RALY: variants seen among roughly 807,000 people sequenced by gnomAD.
The protein encoded by RALY is RNA-binding protein Raly.
In RALY, 15 loss-of-function variants were observed where a neutral mutation model predicts 30.7. That is an observed-to-expected ratio of 0.49 (90% CI 0.33 to 0.75). The LOEUF is 0.75. Among genes scored for constraint, RALY ranks in the 30% least tolerant of loss-of-function variants. The probability of loss-of-function intolerance (pLI) is 0.02; values close to 1 mark genes in which losing one functional copy is unlikely to be tolerated. For synonymous variants in RALY, 177 were observed against 170.8 expected (o/e 1.04, Z -0.28); for missense variants, 339 against 414.3 (o/e 0.82, Z 1.58).
At chr20:34,001,859 C>T (rs758740304) in intron 1 of RALY, among the ~76,000 whole-genome samples, 22 of 152,104 alleles carry the variant, frequency 1.4e-4, no homozygotes, top group African/African-American at 4.8e-5. Context: ...CTCTGCCTCC[C>T]GGGTTCATGC....
chr20:34,027,241 T>C (rs1258526853), intron 1 of RALY, among the ~76,000 whole-genome samples: 1 of 152,228 alleles, frequency 6.6e-6, no homozygotes, highest in Non-Finnish European at 1.5e-5. Flanking sequence ...TGGAGTAAAG[T>C]AAAGCAGACC....
chr20:34,046,433 T>C (rs1189633085), intron 2 of RALY, among the ~76,000 whole-genome samples: 1 of 152,208 alleles, frequency 6.6e-6, no homozygotes, highest in Non-Finnish European at 1.5e-5. Context: ...AAGGATTATT[T>C]AAGGTATTGT....
intron 8 of RALY, 131 bp from the exon 9 acceptor site, chr20:34,078,374 G>A (rs1219419311): frequency 1.5e-5 from 11 of 739,324 alleles, no homozygotes; most frequent in African/African-American, 3.7e-5. Context: ...CCCCTTGGCT[G>A]TTCCTGCGTC....
chr20:34,083,236 A>G lies in RALY; in HGVS notation c.*3331A>G, dbSNP rs1254417617. On this transcript the variant is annotated 3_prime_UTR_variant, in exon 10 of 10. Coordinates refer to ENST00000246194, the MANE Select transcript of RALY (RefSeq NM_016732.3). ...TGTTCAGTGTGGTGGTTCTTATCTC[A>G]TCTGGGCCCTCGTGTGGCTGAAGTG... is the stretch of plus-strand genomic sequence containing the variant. The G allele has an allele frequency of 6.6e-6, 1 of 152,182 alleles. No homozygotes were observed. Among genetic ancestry groups the G allele is most frequent in the Non-Finnish European group, 1.5e-5 (1 of 68,062 alleles). 9.4% of individuals were successfully genotyped at this position (152,182 alleles called of 1,614,324 possible). A position where few individuals can be genotyped will look rare whatever the true frequency, so the allele number is the denominator to read the frequency against.
intron 2 of RALY, among the ~76,000 whole-genome samples, chr20:34,035,152 C>CAAAAAAAAAAAAAA (rs61301033): frequency 3.1e-5 from 1 of 32,524 alleles, no homozygotes; most frequent in African/African-American, 5.9e-5. Flanking sequence ...GACTCCATCT[C>CAAAAAAAAAAAAAA]AAAAAAAAAA....
intron 1 of RALY, among the ~76,000 whole-genome samples, chr20:34,023,543 C>T (rs1222598981): frequency 6.6e-6 from 1 of 152,046 alleles, no homozygotes; most frequent in Admixed American, 6.5e-5. Context: ...GTGGGGAGGC[C>T]TGTCCTTGGA....
chr20:34,076,969 C>T, intron 7 of RALY, 59 bp from the exon 8 acceptor site: 1 of 1,608,742 alleles, frequency 6.2e-7, no homozygotes, highest in Non-Finnish European at 8.5e-7. Flanking sequence ...AAGGTGCTGC[C>T]CTAGACAGCT....
intron 2 of RALY, among the ~76,000 whole-genome samples, chr20:34,043,848 T>C (rs2123143755): frequency 1.3e-5 from 2 of 152,188 alleles, no homozygotes; most frequent in East Asian, 1.9e-4. Context: ...CTGTAGTTGA[T>C]GAAGAAGGAC....
intron 5 of RALY, among the ~76,000 whole-genome samples, chr20:34,074,843 C>A (rs1003518251): frequency 2.0e-5 from 3 of 152,198 alleles, no homozygotes; most frequent in African/African-American, 7.2e-5. Context: ...CCCAGAGACT[C>A]TCCATCTGCA....
intron 2 of RALY, among the ~76,000 whole-genome samples, chr20:34,044,456 G>T (rs1207530385): frequency 6.6e-6 from 1 of 152,082 alleles, no homozygotes; most frequent in African/African-American, 2.4e-5. Context: ...TAGTAGCTGG[G>T]ATTACAGGCA....
chr20:34,011,367 A>G (rs1379539496), intron 1 of RALY, among the ~76,000 whole-genome samples: 2 of 152,194 alleles, frequency 1.3e-5, no homozygotes, highest in Non-Finnish European at 2.9e-5. Context: ...TTTAAAAGTG[A>G]GATCTGATTT....
At chr20:34,008,555 C>T (rs2084804082) in intron 1 of RALY, among the ~76,000 whole-genome samples, 3 of 152,208 alleles carry the variant, frequency 2.0e-5, no homozygotes, top group Admixed American at 2.0e-4. Context: ...CCTTTCTGTT[C>T]CAGATCTGTT....
At chr20:34,028,302 A>G (rs1481455835) in intron 1 of RALY, among the ~76,000 whole-genome samples, 2 of 151,558 alleles carry the variant, frequency 1.3e-5, no homozygotes, top group Non-Finnish European at 2.9e-5. Flanking sequence ...AAAAAAAAAG[A>G]AATCTTATAA....
chr20:34,037,500 A>G (rs2032540877), intron 2 of RALY, among the ~76,000 whole-genome samples: 2 of 152,158 alleles, frequency 1.3e-5, no homozygotes, highest in South Asian at 4.1e-4. Context: ...CTAAGCAGAG[A>G]TTTGATTCCA....
chr20:34,027,101 A>C (rs999426291), intron 1 of RALY, among the ~76,000 whole-genome samples: 1 of 152,136 alleles, frequency 6.6e-6, no homozygotes, highest in Non-Finnish European at 1.5e-5. Context: ...CAGTGAGCAC[A>C]CAACCCCCAC....
At chr20:34,040,413 T>G (rs2032657129) in intron 2 of RALY, among the ~76,000 whole-genome samples, 1 of 152,174 alleles carries the variant, frequency 6.6e-6, no homozygotes, top group Non-Finnish European at 1.5e-5. Flanking sequence ...CGTACTTGTT[T>G]TAGAAACAAG....
At chr20:34,031,304 A>G (rs1270382346) in intron 1 of RALY, among the ~76,000 whole-genome samples, 3 of 147,252 alleles carry the variant, frequency 2.0e-5, no homozygotes, top group Non-Finnish European at 3.0e-5. Context: ...CAGGTGATCC[A>G]TCCCCCTCGG....
chr20:34,074,713 C>T (rs1222884398), intron 5 of RALY, among the ~76,000 whole-genome samples: 1 of 152,176 alleles, frequency 6.6e-6, no homozygotes, highest in Admixed American at 6.5e-5. Context: ...TGGGCTTGCA[C>T]CAAGTGATCT....
chr20:34,005,138 G>T (rs2031100261), intron 1 of RALY, among the ~76,000 whole-genome samples: 2 of 152,154 alleles, frequency 1.3e-5, no homozygotes, highest in African/African-American at 2.4e-5. Flanking sequence ...GATAGACAGG[G>T]TGCTAGAGAT....
Sources: allele counts gnomAD v4.1 joint callset (sites outside exome capture counted in the v4.1 genomes callset), GRCh38; gene constraint gnomAD v4.1.1; transcripts MANE v1.5; gene names NCBI Gene and HGNC (gene_info 2026-07-23, HGNC 2026-07-21).